SGCD: variants seen among roughly 807,000 people sequenced by gnomAD.
SGCD encodes the protein sarcoglycan delta.
SGCD carries 18 observed loss-of-function variants against 36.6 expected under a neutral mutation model. The ratio of observed to expected loss-of-function variants is 0.49; its 90% CI spans 0.34 to 0.73. The LOEUF (loss-of-function observed/expected upper bound fraction) is 0.73. SGCD is among the 30% of genes least tolerant of loss of function. The probability of loss-of-function intolerance (pLI) is 0.01; values close to 1 mark genes in which losing one functional copy is unlikely to be tolerated. For missense variants in SGCD, 387 were observed against 346.7 expected (o/e 1.12, Z -0.92); for synonymous variants, 133 against 130.6 (o/e 1.02, Z -0.12).
chr5:155,740,868 G>A, the SGCD span, among the ~76,000 whole-genome samples: 1 of 152,182 alleles, frequency 6.6e-6, no homozygotes, highest in Non-Finnish European at 1.5e-5. Context: ...AGTCAAATCT[G>A]TGAAATATTT....
Position 155,977,986 on chromosome 5 carries a change from C to T in SGCD, c.-282+107562C>T, listed in dbSNP as rs549035425. Among the ~76,000 whole-genome samples the T allele has an allele frequency of 8.5e-4, 130 of 152,206 alleles. 2 individuals are homozygous for T. The highest frequency in any genetic ancestry group is 3.9e-4 in the East Asian group (2 of 5,176). On this transcript the variant is annotated intron_variant, in intron 1 of 9. Transcript: ENST00000517913. ...GTGCATGCCTGTAGTCCCAGCTACT[C>T]GGGATCCTGAGGCAGGGGTATCGCT...
At chr5:155,849,634 G>C in the SGCD span, among the ~76,000 whole-genome samples, 1 of 152,114 alleles carries the variant, frequency 6.6e-6, no homozygotes, top group Non-Finnish European at 1.5e-5. Flanking sequence ...TGCCACTCTT[G>C]TTTCAGTAGC....
At chr5:156,181,464 A>C (rs752452120) in intron 3 of SGCD, among the ~76,000 whole-genome samples, 5 of 152,228 alleles carry the variant, frequency 3.3e-5, no homozygotes, top group African/African-American at 4.8e-5. Context: ...CAAAGGGATT[A>C]TTAAACTAAG....
the SGCD span, among the ~76,000 whole-genome samples, chr5:155,743,634 A>C: frequency 6.6e-6 from 1 of 152,220 alleles, no homozygotes; most frequent in Non-Finnish European, 1.5e-5. Flanking sequence ...TGTATGCTAC[A>C]AAACACCTAA....
intron 3 of SGCD, among the ~76,000 whole-genome samples, chr5:156,233,791 A>G (rs564887294): frequency 1.1e-4 from 17 of 152,270 alleles, no homozygotes; most frequent in African/African-American, 3.9e-4. Flanking sequence ...AAGCTGGGGT[A>G]TGAGGATCAC....
chr5:156,320,713 C>T (rs780923493), intron 3 of SGCD, among the ~76,000 whole-genome samples: 39 of 152,072 alleles, frequency 2.6e-4, no homozygotes, highest in Admixed American at 9.2e-4. Context: ...TTTGAATTTC[C>T]GAAACAGAAG....
the SGCD span, among the ~76,000 whole-genome samples, chr5:155,853,649 A>G: frequency 5.3e-5 from 8 of 152,218 alleles, no homozygotes; most frequent in Non-Finnish European, 1.2e-4. Flanking sequence ...CTATAAACCA[A>G]GTAATCAGGT....
chr5:155,810,719 A>G, the SGCD span, among the ~76,000 whole-genome samples: 1 of 151,536 alleles, frequency 6.6e-6, no homozygotes, highest in Non-Finnish European at 1.5e-5. Context: ...AGTAAATAAA[A>G]ATGATTTGGC....
intron 3 of SGCD, among the ~76,000 whole-genome samples, chr5:156,417,397 A>G (rs1176465815): frequency 6.6e-6 from 1 of 152,214 alleles, no homozygotes; most frequent in Non-Finnish European, 1.5e-5. Context: ...TGACAAGAAT[A>G]CCTCACAGGT....
At chr5:156,211,651 A>G (rs1232845221) in intron 3 of SGCD, among the ~76,000 whole-genome samples, 1 of 151,816 alleles carries the variant, frequency 6.6e-6, no homozygotes, top group East Asian at 1.9e-4. Context: ...GATAATTAGT[A>G]GCACTAAAAC....
At chr5:156,423,378 A>C (rs1247232541) in intron 3 of SGCD, among the ~76,000 whole-genome samples, 1 of 98,854 alleles carries the variant, frequency 1.0e-5, no homozygotes, top group Admixed American at 1.3e-4. Context: ...ATATTTTATT[A>C]TAATATAATA....
chr5:156,360,228 A>T (rs1044955199), intron 3 of SGCD, among the ~76,000 whole-genome samples: 1 of 150,342 alleles, frequency 6.7e-6, no homozygotes, highest in Non-Finnish European at 1.5e-5. Flanking sequence ...TATTTTACAT[A>T]TACCTACCCT....
chr5:156,599,971 T>C (rs916322433), intron 6 of SGCD, among the ~76,000 whole-genome samples: 1 of 152,220 alleles, frequency 6.6e-6, no homozygotes, highest in African/African-American at 2.4e-5. Flanking sequence ...GTAGAGTTAA[T>C]AGTACAGTGT....
chr5:156,707,495 G>GAGCC (rs1754793491), intron 7 of SGCD, among the ~76,000 whole-genome samples: 1 of 152,080 alleles, frequency 6.6e-6, no homozygotes, highest in East Asian at 1.9e-4. Context: ...ATTCTAGACA[G>GAGCC]TAACTAACAT....
intron 3 of SGCD, among the ~76,000 whole-genome samples, chr5:156,135,599 T>G (rs539484812): frequency 6.9e-6 from 1 of 144,948 alleles, no homozygotes; most frequent in African/African-American, 2.9e-5. Context: ...CCTTGTCTCC[T>G]ATGCATAAAT....
intron 3 of SGCD, among the ~76,000 whole-genome samples, chr5:156,142,252 A>C (rs1297919649): frequency 6.6e-6 from 1 of 152,204 alleles, no homozygotes; most frequent in East Asian, 1.9e-4. Context: ...AGAAGCCACT[A>C]TACTTCCTGT....
intron 4 of SGCD, among the ~76,000 whole-genome samples, chr5:156,532,457 TA>T (rs1318405109): frequency 2.0e-5 from 3 of 152,086 alleles, no homozygotes; most frequent in African/African-American, 2.4e-5. Flanking sequence ...TTATCTTGTT[TA>T]TTTTATTTAT....
chr5:155,819,049 C>T, the SGCD span, among the ~76,000 whole-genome samples: 2 of 152,186 alleles, frequency 1.3e-5, no homozygotes, highest in East Asian at 3.9e-4. Flanking sequence ...TGTCATGAAA[C>T]TGGATTATAG....
chr5:155,969,784 G>A (rs148283041), intron 1 of SGCD, among the ~76,000 whole-genome samples: 1 of 152,118 alleles, frequency 6.6e-6, no homozygotes, highest in East Asian at 1.9e-4. Flanking sequence ...CTACCCAGTG[G>A]GTCATCAATA....
Sources: gnomAD v4.1 joint callset for allele counts (sites outside exome capture counted in the v4.1 genomes callset) on GRCh38, gnomAD v4.1.1 for gene constraint, MANE v1.5 for transcripts, NCBI Gene and HGNC (gene_info 2026-07-23, HGNC 2026-07-21) for gene names.